SRBD1: variants seen among roughly 807,000 people sequenced by gnomAD.
SRBD1 encodes the protein S1 RNA-binding domain-containing protein 1.
In SRBD1, 88 loss-of-function variants were observed where a neutral mutation model predicts 115.3. The ratio of observed to expected loss-of-function variants is 0.76; its 90% CI spans 0.64 to 0.91. The LOEUF is 0.91. Among genes scored for constraint, SRBD1 ranks in the 40% least tolerant of loss-of-function variants. The pLI, the probability that SRBD1 is intolerant of heterozygous loss-of-function variation, is 0.00. For missense variants in SRBD1, 1,385 were observed against 1,177.4 expected (o/e 1.18, Z -2.58); for synonymous variants, 509 against 407.7 (o/e 1.25, Z -2.99).
At chr2:45,393,392 G>A (rs953991148) in intron 19 of SRBD1, among the ~76,000 whole-genome samples, 2 of 152,042 alleles carry the variant, frequency 1.3e-5, no homozygotes, top group African/African-American at 4.8e-5. Context: ...ACATTTTTTT[G>A]TTGTTGTTGA....
At chr2:45,410,457 A>G (rs1452512423) in intron 19 of SRBD1, among the ~76,000 whole-genome samples, 1 of 152,232 alleles carries the variant, frequency 6.6e-6, no homozygotes, top group Admixed American at 6.5e-5. Flanking sequence ...TTTACTCACA[A>G]TGGCCAAAAA....
chr2:45,425,967 C>T (rs1471600613), intron 16 of SRBD1, among the ~76,000 whole-genome samples: 1 of 151,878 alleles, frequency 6.6e-6, no homozygotes, highest in Non-Finnish European at 1.5e-5. Flanking sequence ...TTTTTTCATA[C>T]CTCAGTGGTG....
intron 19 of SRBD1, among the ~76,000 whole-genome samples, chr2:45,405,398 A>G (rs532647040): frequency 7.9e-5 from 12 of 152,224 alleles, no homozygotes; most frequent in African/African-American, 2.9e-4. Context: ...AGGAGGGACA[A>G]AGGGGGGTGG....
chr2:45,572,492 G>C (rs1673050134), intron 9 of SRBD1, among the ~76,000 whole-genome samples: 1 of 151,918 alleles, frequency 6.6e-6, no homozygotes, highest in African/African-American at 2.4e-5. Context: ...GAGAAATTAA[G>C]ATTTTCCAGA....
chr2:45,449,899 G>T (rs997664970), intron 16 of SRBD1, among the ~76,000 whole-genome samples: 1 of 151,974 alleles, frequency 6.6e-6, no homozygotes, highest in African/African-American at 2.4e-5. Flanking sequence ...TCATAAGGGT[G>T]ATCAGGGCTT....
chr2:45,407,896 A>G (rs868260689), intron 19 of SRBD1, among the ~76,000 whole-genome samples: 2 of 152,048 alleles, frequency 1.3e-5, no homozygotes, highest in Non-Finnish European at 2.9e-5. Flanking sequence ...AATAATAAAT[A>G]TAAACAAAAA....
intron 16 of SRBD1, among the ~76,000 whole-genome samples, chr2:45,430,869 G>T (rs1668311488): frequency 6.6e-6 from 1 of 152,096 alleles, no homozygotes; most frequent in Non-Finnish European, 1.5e-5. Flanking sequence ...CCTATAGAAT[G>T]GGAGAAAAAT....
At chr2:45,560,954 A>C (rs533141559) in intron 10 of SRBD1, among the ~76,000 whole-genome samples, 13,083 of 151,802 alleles carry the variant, frequency 0.086, 1,043 homozygotes, top group African/African-American at 0.21. Flanking sequence ...ATAAAAAAAA[A>C]AAAAAAAGTT....
intron 6 of SRBD1, among the ~76,000 whole-genome samples, chr2:45,580,947 T>G (rs1018367354): frequency 6.6e-6 from 1 of 151,922 alleles, no homozygotes; most frequent in Non-Finnish European, 1.5e-5. Context: ...CCTCCCAAAG[T>G]GCTGGGATTA....
At chr2:45,504,861 C>T (rs1180919503) in intron 14 of SRBD1, among the ~76,000 whole-genome samples, 2 of 152,040 alleles carry the variant, frequency 1.3e-5, no homozygotes, top group Non-Finnish European at 2.9e-5. Context: ...GTAACAGAAG[C>T]CCATCCTCAA....
chr2:45,545,721 C>G (rs1307701492), intron 14 of SRBD1, among the ~76,000 whole-genome samples: 1 of 152,168 alleles, frequency 6.6e-6, no homozygotes, highest in African/African-American at 2.4e-5. Flanking sequence ...AATCTGTTTC[C>G]TTCTTGAATC....
intron 14 of SRBD1, among the ~76,000 whole-genome samples, chr2:45,498,814 A>G (rs1394227765): frequency 1.3e-5 from 2 of 152,152 alleles, no homozygotes; most frequent in South Asian, 2.1e-4. Context: ...GCTGCTGCAA[A>G]TGACAGGGTT....
rs1667483892 is a variant in SRBD1, at chr2:45,407,917, CT to C, written c.2513+5196del. On this transcript the variant is annotated intron_variant, in intron 19 of 20. Coordinates refer to ENST00000263736, the MANE Select transcript of SRBD1 (RefSeq NM_018079.5). ...AAATATAAACAAAAAAGTTGACTTT[CT>C]TTAAACCACTAAATAACTCAGGCTA... Among the ~76,000 whole-genome samples, 4 of 152,100 alleles carry C rather than the reference CT, an allele frequency of 2.6e-5. No homozygotes were observed. The East Asian group carries it at 7.7e-4, about 29-fold the overall frequency.
At chr2:45,598,600 G>A (rs572426103) in intron 4 of SRBD1, among the ~76,000 whole-genome samples, 5 of 148,912 alleles carry the variant, frequency 3.4e-5, no homozygotes, top group Middle Eastern at 3.4e-3. Context: ...GCAAGACACC[G>A]TCTCAAAAAA....
chr2:45,609,336 C>T (rs1418184881), intron 1 of SRBD1, among the ~76,000 whole-genome samples: 1 of 152,198 alleles, frequency 6.6e-6, no homozygotes, highest in Non-Finnish European at 1.5e-5. Context: ...GATCCTCCTC[C>T]AAAATGTCTT....
At chr2:45,571,518 A>AAAAAAAAAAC (rs1553356629) in intron 9 of SRBD1, among the ~76,000 whole-genome samples, 19 of 59,236 alleles carry the variant, frequency 3.2e-4, no homozygotes, top group African/African-American at 1.4e-3. Flanking sequence ...AGACTTTACC[A>AAAAAAAAAAC]AAAAAAAAAA....
chr2:45,454,992 T>C (rs1456843018), intron 16 of SRBD1, among the ~76,000 whole-genome samples: 1 of 151,818 alleles, frequency 6.6e-6, no homozygotes, highest in African/African-American at 2.4e-5. Context: ...GTAAATATTA[T>C]GTAGCTCAAA....
At chr2:45,442,166 T>C (rs1668689318) in intron 16 of SRBD1, among the ~76,000 whole-genome samples, 1 of 152,198 alleles carries the variant, frequency 6.6e-6, no homozygotes, top group Non-Finnish European at 1.5e-5. Flanking sequence ...AGTCCTGACA[T>C]GTCAGCTCCC....
intron 16 of SRBD1, among the ~76,000 whole-genome samples, chr2:45,465,770 G>A (rs1344514241): frequency 1.3e-5 from 2 of 152,114 alleles, no homozygotes; most frequent in Non-Finnish European, 2.9e-5. Flanking sequence ...TTACATTACA[G>A]TGCATTCAAA....
Sources: gnomAD v4.1 joint callset for allele counts (sites outside exome capture counted in the v4.1 genomes callset) on GRCh38, gnomAD v4.1.1 for gene constraint, MANE v1.5 for transcripts, NCBI Gene and HGNC (gene_info 2026-07-23, HGNC 2026-07-21) for gene names.